Variants in DSG4 observed in about 807,000 individuals in gnomAD.
DSG4 encodes the protein desmoglein 4.
Under a neutral mutation model 93.1 loss-of-function variants are expected in DSG4, and 87 were observed. The observed-to-expected ratio is 0.93, with a 90% CI of 0.79 to 1.12. DSG4 has a LOEUF of 1.12. DSG4 is among the 50% of genes most tolerant of loss of function. The pLI, the probability that DSG4 is intolerant of heterozygous loss-of-function variation, is 0.00. For synonymous variants in DSG4, 432 were observed against 452.9 expected, an observed-to-expected ratio of 0.95 and a Z score of 0.59; for missense variants, 1,373 against 1,285.7, an observed-to-expected ratio of 1.07 and a Z score of -1.04.
chr18:31,401,019 T>A lies in DSG4; in HGVS notation c.1416T>A (p.Asp472Glu), dbSNP rs1298880465. ...ACACAGCAGAGATCCTGGCTATAGATGGTAAGAAAATTTATTTTCAGTATT... is the reference window on the plus strand; with the variant it reads ...ACACAGCAGAGATCCTGGCTATAGAAGGTAAGAAAATTTATTTTCAGTATT... ...GIYTAEILAI[D>E]DGSGKTATGT... Residue 472 changes from aspartate to glutamate, a missense_variant and splice_region_variant, in exon 10 of 16, where the codon GAT (aspartate) becomes GAA (glutamate). Coordinates refer to ENST00000308128, the MANE Select transcript of DSG4 (RefSeq NM_177986.5). 1 of 1,593,358 alleles carries A rather than the reference T, an allele frequency of 6.3e-7. No individual in the cohort carries two copies. The highest frequency in any genetic ancestry group is 8.5e-7 in the Non-Finnish European group (1 of 1,169,642).
Position 31,391,095 on chromosome 18 carries a change from C to A in DSG4, c.702C>A (p.Asn234Lys). 3 of 1,613,628 alleles carry A rather than the reference C, an allele frequency of 1.9e-6. No individual in the cohort carries two copies. Among genetic ancestry groups the A allele is most frequent in the Non-Finnish European group, 1.7e-6 (2 of 1,179,724 alleles). ...FLDREQHSMY[N>K]LVVRGSDRDG... is the part of the protein sequence containing the mutation. ...TGATTAAGCAACACAGTATGTACAACCTGGTTGTGAGAGGCTCAGATCGGG... is the reference window on the plus strand; with the variant it reads ...TGATTAAGCAACACAGTATGTACAAACTGGTTGTGAGAGGCTCAGATCGGG... Residue 234 changes from asparagine to lysine, a missense_variant, in exon 7 of 16, where the codon AAC becomes AAA. Coordinates refer to ENST00000308128, the MANE Select transcript of DSG4 (RefSeq NM_177986.5).
Position 31,403,448 on chromosome 18 carries a change from T to G in DSG4, c.1450T>G (p.Cys484Gly), listed in dbSNP as rs772707753. 2 of 1,613,606 alleles carry G rather than the reference T, an allele frequency of 1.2e-6. No individual in the cohort carries two copies. The highest frequency in any genetic ancestry group is 1.7e-6 in the Non-Finnish European group (2 of 1,179,764). Residue 484 changes from cysteine to glycine, a missense_variant, in exon 11 of 16, where the codon TGT becomes GGT. Physicochemically the swap from Cys to Gly is radical, Grantham distance 159. Transcript: ENST00000308128. ...TGGAAAAACAGCTACAGGAACCATA[T>G]GTATTGAGGTTCCTGATATCAATGA... ...GSGKTATGTI[C>G]IEVPDINDYC...
At chr18:31,398,242 T>C (rs756350608) in intron 8 of DSG4, among the ~76,000 whole-genome samples, 10 of 152,202 alleles carry the variant, frequency 6.6e-5, no homozygotes, top group Non-Finnish European at 1.3e-4. Context: ...TATGTGGATC[T>C]GTAAACAGAT....
At chr18:31,412,655 T>A (rs1176147777) in intron 15 of DSG4, among the ~76,000 whole-genome samples, 173 bp from the exon 16 acceptor site, 2 of 152,216 alleles carry the variant, frequency 1.3e-5, no homozygotes, top group Non-Finnish European at 2.9e-5. Flanking sequence ...TAGTTACAAA[T>A]GCTATCACAG....
At chr18:31,378,814 G>A (rs1017755813) in intron 1 of DSG4, among the ~76,000 whole-genome samples, 5 of 152,092 alleles carry the variant, frequency 3.3e-5, no homozygotes, top group African/African-American at 1.2e-4. Context: ...ATTGTTTAAG[G>A]AGAATCAATG....
Position 31,409,370 on chromosome 18 carries a change from A to G in DSG4, c.1934-82A>G, listed in dbSNP as rs183108256. On this transcript the variant is annotated intron_variant, in intron 12 of 15. Coordinates refer to ENST00000308128, the MANE Select transcript of DSG4 (RefSeq NM_177986.5). ...TTTTGTTCTAAATATACTGCCACCAAATGCTCCCCAGAATGATTCATCCAG... is the reference window on the plus strand; with the variant it reads ...TTTTGTTCTAAATATACTGCCACCAGATGCTCCCCAGAATGATTCATCCAG... The G allele has an allele frequency of 3.7e-5, 60 of 1,603,640 alleles. No homozygotes were observed. The African/African-American group carries it at 6.8e-4, about 18-fold the overall frequency.
At chr18:31,391,258 C>T in intron 7 of DSG4, 46 bp downstream of exon 7, 1 of 1,610,308 alleles carries the variant, frequency 6.2e-7, no homozygotes, top group Non-Finnish European at 8.5e-7. Context: ...TGTCAATAAT[C>T]AATTTGCATA....
rs181930163 is a variant in DSG4, at chr18:31,393,657, T to C, written c.1005+1317T>C. ...CAACTTTGGGAATCACATTTAAAGA[T>C]GAGATTTGTGGGTGACAGACATCCA... is the stretch of plus-strand genomic sequence containing the variant. On this transcript the variant is annotated intron_variant, in intron 8 of 15. Transcript: ENST00000308128. Among the ~76,000 whole-genome samples, 15 of 152,238 alleles carry C rather than the reference T, an allele frequency of 9.9e-5. No individual in the cohort carries two copies. The East Asian group carries it at 2.7e-3, about 27-fold the overall frequency.
rs529794190 is a variant in DSG4, at chr18:31,403,420, C to T, written c.1422C>T (p.Gly474=). 6.8e-6 allele frequency: 11 copies of T among 1,611,538 alleles called. No individual in the cohort carries two copies. In the East Asian group the frequency reaches 1.1e-4, roughly 16 times the overall value. The change falls in exon 11 of 16, where the codon GGC becomes GGT. Residue 474 remains glycine, a synonymous_variant. Transcript: ENST00000308128. ...CAATGACCCTTACTCTTTCAGATGGCTCTGGAAAAACAGCTACAGGAACCA... is the reference window on the plus strand; with the variant it reads ...CAATGACCCTTACTCTTTCAGATGGTTCTGGAAAAACAGCTACAGGAACCA... ...YTAEILAIDD[G]SGKTATGTIC... is the part of the protein sequence containing the mutation.
rs1235053180 is a variant in DSG4 at position 31,399,299 on chromosome 18, A to T, written c.1033A>T (p.Ile345Phe). 3.7e-6 allele frequency: 6 copies of T among 1,613,942 alleles called. No individual in the cohort carries two copies. The highest frequency in any genetic ancestry group is 5.1e-6 in the Non-Finnish European group (6 of 1,179,956). ...KMLDYEQAPN[I>F]QLSIGVKNQA... ...GCTGGATTATGAACAAGCACCTAAC[A>T]TTCAGCTTAGTATCGGAGTTAAAAA... The change falls in exon 9 of 16, where the codon ATT (isoleucine) becomes TTT (phenylalanine). Residue 345 changes from isoleucine to phenylalanine, a missense_variant. Ile to Phe is a conservative substitution (Grantham distance 21). Coordinates refer to ENST00000308128, the MANE Select transcript of DSG4 (RefSeq NM_177986.5).
In DSG4 at chr18:31,388,445, G is replaced by C. The variant is rs756647119; in HGVS notation, c.295G>C (p.Val99Leu). 2.7e-5 allele frequency: 43 copies of C among 1,613,434 alleles called. No homozygotes were observed. The highest frequency in any genetic ancestry group is 3.6e-5 in the Non-Finnish European group (43 of 1,179,646). ...GVGIDRPPYG[V>L]FTINPRTGEI... Reference sequence around the variant, plus strand: ...AGGGATTGATCGACCACCATATGGGGTATTCACCATTAATCCTCGCACTGG... The same window carrying C: ...AGGGATTGATCGACCACCATATGGGCTATTCACCATTAATCCTCGCACTGG... Residue 99 changes from valine to leucine, a missense_variant, in exon 4 of 16, where the codon GTA becomes CTA. Physicochemically the swap from Val to Leu is conservative, Grantham distance 32 (BLOSUM62 1). Transcript: ENST00000308128.
chr18:31,388,693 T>C (rs2072215679), intron 4 of DSG4, among the ~76,000 whole-genome samples, 171 bp downstream of exon 4: 1 of 151,758 alleles, frequency 6.6e-6, no homozygotes, highest in Admixed American at 6.6e-5. Flanking sequence ...AGTTCAGGAT[T>C]CTCTGGTATG....
chr18:31,385,197 C>CAATTTT (rs773150328), intron 2 of DSG4, 26 bp downstream of exon 2: 2 of 1,515,110 alleles, frequency 1.3e-6, no homozygotes, highest in East Asian at 4.7e-5. Context: ...ATTATTTTCT[C>CAATTTT]AATTTAAAAT....
At chr18:31,407,131 A>G (rs2072436896) in intron 12 of DSG4, among the ~76,000 whole-genome samples, 1 of 151,952 alleles carries the variant, frequency 6.6e-6, no homozygotes. Context: ...GTAATCAAAC[A>G]CACACACACA....
At position 31,376,867 on chromosome 18, in the gene DSG4, C is replaced by A; in HGVS notation, c.-45C>A. The A allele has an allele frequency of 1.2e-6, 2 of 1,611,292 alleles. No homozygotes were observed. The highest frequency in any genetic ancestry group is 1.7e-6 in the Non-Finnish European group (2 of 1,177,764). On this transcript the variant is annotated 5_prime_UTR_variant, in exon 1 of 16. Coordinates refer to ENST00000308128, the MANE Select transcript of DSG4 (RefSeq NM_177986.5). ...ATTCGGAACTGAGAAGACGAGGGCTCAAATTGAATCTCACAGGATTTGCGT... is the reference window on the plus strand; with the variant it reads ...ATTCGGAACTGAGAAGACGAGGGCTAAAATTGAATCTCACAGGATTTGCGT...
Position 31,413,210 on chromosome 18 carries a change from A to G in DSG4, c.2738A>G (p.Asn913Ser). ...ATTATTGTGACTGAGACTTACGGTAATGCTGATCCATGTGTGCAACCCACT... is the reference window on the plus strand; with the variant it reads ...ATTATTGTGACTGAGACTTACGGTAGTGCTGATCCATGTGTGCAACCCACT... ...GDIIVTETYG[N>S]ADPCVQPTTI... Residue 913 changes from asparagine to serine, a missense_variant, in exon 16 of 16, where the codon AAT (asparagine) becomes AGT (serine). Coordinates refer to ENST00000308128, the MANE Select transcript of DSG4 (RefSeq NM_177986.5). The G allele has an allele frequency of 1.2e-6, 2 of 1,614,172 alleles. No homozygotes were observed. The highest frequency in any genetic ancestry group is 1.7e-6 in the Non-Finnish European group (2 of 1,180,030).
At chr18:31,381,483 C>T (rs1262261295) in intron 1 of DSG4, among the ~76,000 whole-genome samples, 1 of 152,134 alleles carries the variant, frequency 6.6e-6, no homozygotes, top group Non-Finnish European at 1.5e-5. Flanking sequence ...CATTGACTCC[C>T]TTCTCCCTTT....
Position 31,411,407 on chromosome 18 carries a change from G to A in DSG4, c.2314G>A (p.Ala772Thr). Reference sequence around the variant, plus strand: ...GGGAACCCTGCGGGACTACGCTGACGCAGACATCAACATGGCTTTCTTGGA... The same window carrying A: ...GGGAACCCTGCGGGACTACGCTGACACAGACATCAACATGGCTTTCTTGGA... Reference protein sequence around the residue: ...TMGTLRDYADADINMAFLDSY... With the variant: ...TMGTLRDYADTDINMAFLDSY... Residue 772 changes from alanine to threonine, a missense_variant, in exon 15 of 16, where the codon GCA (alanine) becomes ACA (threonine). Ala to Thr is a moderately conservative substitution (Grantham distance 58). Coordinates refer to ENST00000308128, the MANE Select transcript of DSG4 (RefSeq NM_177986.5). The A allele has an allele frequency of 1.9e-6, 3 of 1,611,208 alleles. No individual in the cohort carries two copies. The highest frequency in any genetic ancestry group is 1.7e-6 in the Non-Finnish European group (2 of 1,179,902).
In DSG4 at chr18:31,390,996, G is replaced by A. The variant is rs377332513; in HGVS notation, c.685-82G>A. ...TTTCATTGGATATGTAAATAAAAGA[G>A]TAGAGAAATAATGGCATTGAATGCA... On this transcript the variant is annotated intron_variant, in intron 6 of 15. Transcript: ENST00000308128. 19 of 1,571,728 alleles carry A rather than the reference G, an allele frequency of 1.2e-5. No individual in the cohort carries two copies. In the East Asian group the frequency reaches 1.6e-4, roughly 13 times the overall value.
Sources: gnomAD v4.1 joint callset for allele counts (sites outside exome capture counted in the v4.1 genomes callset) on GRCh38, gnomAD v4.1.1 for gene constraint, MANE v1.5 for transcripts, NCBI Gene and HGNC (gene_info 2026-07-23, HGNC 2026-07-21) for gene names.